TBC1D12: variants seen among roughly 807,000 people sequenced by gnomAD.
TBC1D12 encodes TBC1 domain family member 12.
In TBC1D12, 56 loss-of-function variants were observed where a neutral mutation model predicts 86.7. That is an observed-to-expected ratio of 0.65 (90% CI 0.52 to 0.81). The LOEUF is 0.81. Ranked by LOEUF, TBC1D12 falls within the 30% of genes least tolerant of loss-of-function variation. The probability of loss-of-function intolerance (pLI) is 0.00; values close to 1 mark genes in which losing one functional copy is unlikely to be tolerated. For missense variants in TBC1D12, 1,023 were observed against 1,038.8 expected (o/e 0.98, Z 0.21); for synonymous variants, 421 against 411.7 (o/e 1.02, Z -0.27).
chr10:94,522,749 A>G (rs887191225), intron 11 of TBC1D12, among the ~76,000 whole-genome samples: 1 of 152,206 alleles, frequency 6.6e-6, no homozygotes, highest in African/African-American at 2.4e-5. Flanking sequence ...CCCCGTCTCT[A>G]CTAAATATAC....
Position 94,402,990 on chromosome 10 carries a change from G to T in TBC1D12, c.377G>T (p.Arg126Leu), listed in dbSNP as rs1427153726. 1.6e-5 allele frequency: 25 copies of T among 1,574,530 alleles called. No individual in the cohort carries two copies. Among genetic ancestry groups the T allele is most frequent in the Non-Finnish European group, 1.9e-5 (22 of 1,164,920 alleles). Residue 126 changes from arginine (R) to leucine (L), a missense_variant, in exon 1 of 13, where the codon CGC becomes CTC. By Grantham distance (102) the Arg-to-Leu change is moderately radical. This residue lies in a region of TBC1D12 where 628 missense variants were observed against 531.1 expected (regional missense o/e 1.18). Coordinates refer to ENST00000225235, the MANE Select transcript of TBC1D12 (RefSeq NM_015188.2). ...KHRGAEVADG[R>L]APRHEGMTNG... is the part of the protein sequence containing the mutation. ...CGCGGCGCGGAGGTGGCTGATGGCCGCGCGCCGCGGCACGAAGGCATGACC... is the reference window on the plus strand; with the variant it reads ...CGCGGCGCGGAGGTGGCTGATGGCCTCGCGCCGCGGCACGAAGGCATGACC...
At chr10:94,518,812 C>T (rs1208546182) in intron 9 of TBC1D12, among the ~76,000 whole-genome samples, 3 of 152,166 alleles carry the variant, frequency 2.0e-5, no homozygotes, top group East Asian at 1.9e-4. Flanking sequence ...CGGTGGCTCA[C>T]GCCTGTAATC....
At chr10:94,457,881 T>C (rs1756309432) in intron 2 of TBC1D12, among the ~76,000 whole-genome samples, 2 of 152,320 alleles carry the variant, frequency 1.3e-5, no homozygotes, top group South Asian at 4.1e-4. Context: ...GGCAACACTA[T>C]ACCTGAAAGT....
In TBC1D12 at chr10:94,465,635, G is replaced by T. The variant is rs192186578; in HGVS notation, c.1096-9033G>T. ...CACTCCAGCCTGGGCGACAGAGCAAGACTCTTGCCTAAAAAAAAAAATATA... is the reference window on the plus strand; with the variant it reads ...CACTCCAGCCTGGGCGACAGAGCAATACTCTTGCCTAAAAAAAAAAATATA... On this transcript the variant is annotated intron_variant, in intron 2 of 12. Coordinates refer to ENST00000225235, the MANE Select transcript of TBC1D12 (RefSeq NM_015188.2). Among the ~76,000 whole-genome samples the T allele has an allele frequency of 8.9e-4, 129 of 144,746 alleles. 1 individual carries two copies. The East Asian group carries it at 0.025, about 28-fold the overall frequency. 95.0% of individuals were successfully genotyped at this position (144,746 alleles called of 152,430 possible).
In TBC1D12 at chr10:94,403,153, G is replaced by A; in HGVS notation, c.540G>A (p.Glu180=). ...GRLRLEGPGD[E]DADGAGSPSD... ...TTCGCCTGGAGGGGCCTGGCGACGA[G>A]GACGCGGACGGCGCGGGAAGCCCGT... The change falls in exon 1 of 13, where the codon GAG becomes GAA. Residue 180 remains glutamate, a synonymous_variant. Coordinates refer to ENST00000225235, the MANE Select transcript of TBC1D12 (RefSeq NM_015188.2). 9.1e-6 allele frequency: 13 copies of A among 1,434,674 alleles called. No homozygotes were observed. Among genetic ancestry groups the A allele is most frequent in the Non-Finnish European group, 1.0e-5 (11 of 1,099,882 alleles). The allele number at this position is 1,434,674 out of a possible 1,614,324, so 88.9% of individuals were successfully genotyped here. A position where few individuals can be genotyped will look rare whatever the true frequency, so the allele number is the denominator to read the frequency against.
chr10:94,448,812 GT>G (rs748118049), intron 2 of TBC1D12, among the ~76,000 whole-genome samples: 2 of 152,146 alleles, frequency 1.3e-5, no homozygotes, highest in Non-Finnish European at 2.9e-5. Flanking sequence ...ACTCTTGCAT[GT>G]TTTGTTTTCA....
chr10:94,413,571 A>G (rs2054955958), intron 1 of TBC1D12, among the ~76,000 whole-genome samples: 1 of 152,204 alleles, frequency 6.6e-6, no homozygotes, highest in Non-Finnish European at 1.5e-5. Flanking sequence ...CAAAATAAGA[A>G]AGAGAGGGAA....
At chr10:94,490,197 A>G (rs1251840131) in intron 3 of TBC1D12, among the ~76,000 whole-genome samples, 1 of 152,120 alleles carries the variant, frequency 6.6e-6, no homozygotes, top group African/African-American at 2.4e-5. Context: ...GGAGGTTACA[A>G]TGAGCCAAGA....
At chr10:94,454,610 A>G (rs1280019653) in intron 2 of TBC1D12, among the ~76,000 whole-genome samples, 1 of 152,158 alleles carries the variant, frequency 6.6e-6, no homozygotes, top group East Asian at 1.9e-4. Flanking sequence ...CGGATCTTGC[A>G]TATGTTTTGT....
At chr10:94,463,732 T>C (rs2055766166) in intron 2 of TBC1D12, among the ~76,000 whole-genome samples, 1 of 152,262 alleles carries the variant, frequency 6.6e-6, no homozygotes, top group Non-Finnish European at 1.5e-5. Context: ...TTACTGAACG[T>C]TCCTTGTGTA....
At chr10:94,520,527 G>T (rs1414084561) in intron 9 of TBC1D12, among the ~76,000 whole-genome samples, 1 of 150,952 alleles carries the variant, frequency 6.6e-6, no homozygotes, top group South Asian at 2.1e-4. Flanking sequence ...CTCCAGCCTG[G>T]GCTAAAAGGG....
At chr10:94,440,460 C>T (rs570518688) in intron 1 of TBC1D12, among the ~76,000 whole-genome samples, 3 of 152,284 alleles carry the variant, frequency 2.0e-5, no homozygotes, top group African/African-American at 7.2e-5. Context: ...CAGGCATGAG[C>T]CACTATGCCT....
intron 3 of TBC1D12, among the ~76,000 whole-genome samples, chr10:94,480,696 AT>A (rs992319359): frequency 9.3e-5 from 14 of 150,294 alleles, no homozygotes; most frequent in African/African-American, 2.0e-4. Flanking sequence ...TACAAAAAAA[AT>A]ATATATATAT....
In TBC1D12 at chr10:94,510,135, T is replaced by G. The variant is rs559384284; in HGVS notation, c.1645T>G (p.Leu549Val). The change falls in exon 8 of 13, where the codon TTG becomes GTG. Residue 549 changes from leucine (L) to valine (V), a missense_variant. Around this residue, in one of 2 missense-constraint regions of TBC1D12, gnomAD observed 395 missense variants for 507.7 expected, o/e 0.78. Transcript: ENST00000225235. ...AGAGGCCAGTCTGGAATTAATTAAG[T>G]TGGACATATCCCGTACATTTCCATC... is the stretch of plus-strand genomic sequence containing the variant. ...DREASLELIK[L>V]DISRTFPSLY... 6.2e-7 allele frequency: 1 copy of G among 1,610,170 alleles called. No homozygotes were observed. The highest frequency in any genetic ancestry group is 1.7e-4 in the Middle Eastern group (1 of 6,054).
intron 1 of TBC1D12, among the ~76,000 whole-genome samples, chr10:94,434,331 C>A (rs1236793898): frequency 6.6e-6 from 1 of 151,444 alleles, no homozygotes; most frequent in Non-Finnish European, 1.5e-5. Flanking sequence ...CATGGTGAAA[C>A]CCTGTCTCTA....
At chr10:94,525,458 G>T (rs1393209254) in intron 11 of TBC1D12, among the ~76,000 whole-genome samples, 1 of 151,778 alleles carries the variant, frequency 6.6e-6, no homozygotes, top group Non-Finnish European at 1.5e-5. Flanking sequence ...CTAAAAATAC[G>T]CCGGATGTGG....
intron 3 of TBC1D12, among the ~76,000 whole-genome samples, chr10:94,479,395 A>G (rs1382307951): frequency 6.6e-6 from 1 of 152,128 alleles, no homozygotes; most frequent in African/African-American, 2.4e-5. Flanking sequence ...ATTATTTTAT[A>G]TGGAACTATA....
At chr10:94,530,145 A>G (rs1842387138) in intron 11 of TBC1D12, among the ~76,000 whole-genome samples, 1 of 152,200 alleles carries the variant, frequency 6.6e-6, no homozygotes, top group Non-Finnish European at 1.5e-5. Context: ...CACTACCTCA[A>G]ATAAACACAC....
chr10:94,481,924 C>A (rs1171157328), intron 3 of TBC1D12, among the ~76,000 whole-genome samples: 1 of 152,104 alleles, frequency 6.6e-6, no homozygotes, highest in East Asian at 1.9e-4. Context: ...GTGTCCATCC[C>A]CTTGAGCATT....
Sources: allele counts gnomAD v4.1 joint callset (sites outside exome capture counted in the v4.1 genomes callset), GRCh38; gene constraint gnomAD v4.1.1; regional missense constraint gnomAD v4.1.1; transcripts MANE v1.5; gene names NCBI Gene and HGNC (gene_info 2026-07-23, HGNC 2026-07-21).